Variants in DRC11 observed in about 807,000 individuals in gnomAD.
DRC11 encodes the protein IQ and AAA domain-containing protein 1.
chr2:236,402,927 T>G, the DRC11 span, among the ~76,000 whole-genome samples: 1 of 152,192 alleles, frequency 6.6e-6, no homozygotes, highest in Non-Finnish European at 1.5e-5. This position sits in a 1 kb window ranked among gnomAD's most constrained non-coding sequence, Gnocchi z 6.0. Flanking sequence ...TCAGATATAT[T>G]ATTTATCATC....
the DRC11 span, among the ~76,000 whole-genome samples, chr2:236,370,588 G>A: frequency 2.0e-5 from 3 of 152,178 alleles, no homozygotes; most frequent in East Asian, 5.8e-4. The surrounding 1 kb of genome is among the most constrained non-coding windows in gnomAD (Gnocchi z 5.5). Flanking sequence ...TGGGGGCCTT[G>A]AGGATACCTA....
At chr2:236,308,797 T>C in the DRC11 span, among the ~76,000 whole-genome samples, 1 of 152,214 alleles carries the variant, frequency 6.6e-6, no homozygotes, top group South Asian at 2.1e-4. This position sits in a 1 kb window ranked among gnomAD's most constrained non-coding sequence, Gnocchi z 6.0. Flanking sequence ...CTATTGTGAA[T>C]AGTGCTGCAG....
chr2:236,337,069 C>T, the DRC11 span, among the ~76,000 whole-genome samples: 2 of 152,166 alleles, frequency 1.3e-5, no homozygotes, highest in African/African-American at 4.8e-5. The surrounding 1 kb of genome is among the most constrained non-coding windows in gnomAD (Gnocchi z 4.9). Flanking sequence ...ATAGGCCCCG[C>T]TCAGTGCCCA....
chr2:236,407,710 CCT>C, the DRC11 span: 5 of 268,188 alleles, frequency 1.9e-5, no homozygotes, highest in African/African-American at 6.7e-5. Flanking sequence ...TCATTTCCCC[CCT>C]GTGATCCTCT....
the DRC11 span, among the ~76,000 whole-genome samples, chr2:236,456,260 A>G: frequency 6.6e-6 from 1 of 152,164 alleles, no homozygotes; most frequent in Non-Finnish European, 1.5e-5. The surrounding 1 kb of genome is among the most constrained non-coding windows in gnomAD (Gnocchi z 5.4). Flanking sequence ...GGTAGGTACT[A>G]TTACTACCCC....
chr2:236,393,420 A>G, the DRC11 span, among the ~76,000 whole-genome samples: 12 of 152,188 alleles, frequency 7.9e-5, no homozygotes, highest in South Asian at 2.1e-4. The surrounding 1 kb of genome is among the most constrained non-coding windows in gnomAD (Gnocchi z 4.7). Context: ...CCTGACAAGC[A>G]TGGCATGACC....
At chr2:236,449,031 T>C in the DRC11 span, among the ~76,000 whole-genome samples, 1 of 151,882 alleles carries the variant, frequency 6.6e-6, no homozygotes, top group Non-Finnish European at 1.5e-5. The surrounding 1 kb of genome is among the most constrained non-coding windows in gnomAD (Gnocchi z 5.1). Flanking sequence ...GGCAAATTTT[T>C]GTGTTTTTAG....
chr2:236,342,874 G>A, the DRC11 span, among the ~76,000 whole-genome samples: 2 of 152,076 alleles, frequency 1.3e-5, no homozygotes, highest in African/African-American at 2.4e-5. The surrounding 1 kb of genome is among the most constrained non-coding windows in gnomAD (Gnocchi z 5.8). Flanking sequence ...GTGACTCCTG[G>A]TCCTCAGTGC....
At chr2:236,394,980 T>TGA in the DRC11 span, among the ~76,000 whole-genome samples, 1 of 152,276 alleles carries the variant, frequency 6.6e-6, no homozygotes, top group South Asian at 2.1e-4. This position sits in a 1 kb window ranked among gnomAD's most constrained non-coding sequence, Gnocchi z 7.0. Flanking sequence ...ATGATGCAAA[T>TGA]TTCTTTCAGA....
At chr2:236,421,931 A>G in the DRC11 span, among the ~76,000 whole-genome samples, 2 of 152,230 alleles carry the variant, frequency 1.3e-5, no homozygotes, top group Admixed American at 1.3e-4. Context: ...ATAATCCAGC[A>G]TATAAACAGA....
chr2:236,326,885 A>G, the DRC11 span, among the ~76,000 whole-genome samples: 21 of 148,498 alleles, frequency 1.4e-4, no homozygotes, highest in African/African-American at 5.0e-4. Flanking sequence ...ACACCTGGCT[A>G]ATTTTTGTAT....
chr2:236,359,887 GTGTGTGT>G, the DRC11 span, among the ~76,000 whole-genome samples: 1 of 152,186 alleles, frequency 6.6e-6, no homozygotes, highest in African/African-American at 2.4e-5. This position sits in a 1 kb window ranked among gnomAD's most constrained non-coding sequence, Gnocchi z 4.3. Context: ...GTTTAATGAG[GTGTGTGT>G]CAGGCACTCT....
chr2:236,465,562 C>A, the DRC11 span: 1 of 1,613,996 alleles, frequency 6.2e-7, no homozygotes. The surrounding 1 kb of genome is among the most constrained non-coding windows in gnomAD (Gnocchi z 6.2). Flanking sequence ...GATATCCACG[C>A]CTTCTATCAA....
chr2:236,415,602 G>C, the DRC11 span, among the ~76,000 whole-genome samples: 1 of 152,100 alleles, frequency 6.6e-6, no homozygotes, highest in Non-Finnish European at 1.5e-5. The surrounding 1 kb of genome is among the most constrained non-coding windows in gnomAD (Gnocchi z 5.7). Flanking sequence ...ATGCAGATCT[G>C]CATTTTTCAT....
the DRC11 span, chr2:236,488,300 C>A: frequency 4.2e-6 from 3 of 710,234 alleles, no homozygotes; most frequent in East Asian, 3.1e-5. Flanking sequence ...AGGGTCCCCA[C>A]GGCTGATCAT....
chr2:236,326,306 G>T, the DRC11 span, among the ~76,000 whole-genome samples: 1 of 152,058 alleles, frequency 6.6e-6, no homozygotes, highest in African/African-American at 2.4e-5. Context: ...TTGTGTTCTA[G>T]AACTTATTGT....
chr2:236,453,589 G>A, the DRC11 span, among the ~76,000 whole-genome samples: 1 of 152,146 alleles, frequency 6.6e-6, no homozygotes, highest in Non-Finnish European at 1.5e-5. This position sits in a 1 kb window ranked among gnomAD's most constrained non-coding sequence, Gnocchi z 4.9. Flanking sequence ...GGTGACTGCA[G>A]CAGAGATGCA....
the DRC11 span, among the ~76,000 whole-genome samples, chr2:236,349,809 A>G: frequency 2.3e-3 from 344 of 152,320 alleles, 3 homozygotes; most frequent in African/African-American, 7.4e-3. The surrounding 1 kb of genome is among the most constrained non-coding windows in gnomAD (Gnocchi z 5.5). Flanking sequence ...AATAATCTAT[A>G]CAACAAACCC....
the DRC11 span, among the ~76,000 whole-genome samples, chr2:236,410,301 T>C: frequency 1.4e-3 from 214 of 152,148 alleles, no homozygotes; most frequent in African/African-American, 5.0e-3. Context: ...GTTATTGGTC[T>C]ATTCAGAGAT....
Sources: gnomAD v4.1 joint callset for allele counts (sites outside exome capture counted in the v4.1 genomes callset) on GRCh38, gnomAD v4.1.1 for gene constraint, Gnocchi (gnomAD v3.1) non-coding constraint, MANE v1.5 for transcripts, NCBI Gene and HGNC (gene_info 2026-07-23, HGNC 2026-07-21) for gene names.